The following SH3RF2 variants were observed in gnomAD, a reference collection of about 807,000 sequenced individuals.
SH3RF2 encodes the protein SH3 domain containing ring finger 2.
In SH3RF2, 43 loss-of-function variants were observed where a neutral mutation model predicts 59.0. That is an observed-to-expected ratio of 0.73 (90% confidence interval 0.57 to 0.94). The LOEUF is 0.94. SH3RF2 is among the 40% of genes least tolerant of loss of function. The probability of loss-of-function intolerance (pLI) is 0.00; values close to 1 mark genes in which losing one functional copy is unlikely to be tolerated. For missense variants in SH3RF2, 930 were observed against 940.1 expected, an observed-to-expected ratio of 0.99 and a Z score of 0.14; for synonymous variants, 391 against 391.5, an observed-to-expected ratio of 1.00 and a Z score of 0.01.
downstream of SH3RF2, among the ~76,000 whole-genome samples, chr5:146,065,988 A>G (rs1451055940): frequency 2.0e-5 from 3 of 152,242 alleles, no homozygotes; most frequent in African/African-American, 7.2e-5. Context: ...TGTGTGCTAG[A>G]CACAGCAAGG....
chr5:146,065,576 C>T (rs1763083179), downstream of SH3RF2, among the ~76,000 whole-genome samples: 1 of 152,148 alleles, frequency 6.6e-6, no homozygotes, highest in African/African-American at 2.4e-5. Context: ...ATTCTTCTCC[C>T]ACCATCTATT....
intron 4 of SH3RF2, among the ~76,000 whole-genome samples, chr5:146,010,923 C>T (rs553018915): frequency 1.9e-4 from 29 of 152,082 alleles, no homozygotes; most frequent in African/African-American, 6.5e-4. Context: ...GTTGCCATTG[C>T]TTTTGGTGTT....
chr5:145,984,692 C>A (rs1396583946), intron 2 of SH3RF2, among the ~76,000 whole-genome samples: 1 of 152,170 alleles, frequency 6.6e-6, no homozygotes, highest in Non-Finnish European at 1.5e-5. Context: ...TCTTTAGCAC[C>A]CCTCTGATGC....
chr5:146,004,209 C>T lies in SH3RF2; in HGVS notation c.744+56C>T, dbSNP rs370049673. The T allele has an allele frequency of 1.3e-4, 181 of 1,406,926 alleles. No individual in the cohort carries two copies. The African/African-American group carries it at 2.5e-3, about 19-fold the overall frequency. 87.2% of individuals were successfully genotyped at this position (1,406,926 alleles called of 1,614,324 possible). ...ACGCATACACAGAAATATTCATGTG[C>T]TACAGTGATGCCTGAGAGCAATTCC... On this transcript the variant is annotated intron_variant, in intron 4 of 9. Coordinates refer to ENST00000359120, the MANE Select transcript of SH3RF2 (RefSeq NM_152550.4).
intron 5 of SH3RF2, among the ~76,000 whole-genome samples, chr5:146,024,265 T>C (rs1169065279): frequency 6.6e-6 from 1 of 152,218 alleles, no homozygotes; most frequent in African/African-American, 2.4e-5. Context: ...TCTTTTTTAT[T>C]GCAGCCATCC....
intron 4 of SH3RF2, among the ~76,000 whole-genome samples, chr5:146,010,340 C>T (rs1422951283): frequency 2.6e-5 from 4 of 152,296 alleles, no homozygotes; most frequent in Non-Finnish European, 5.9e-5. Flanking sequence ...AATAAACATA[C>T]GTGTGCATGT....
intron 8 of SH3RF2, 45 bp downstream of exon 8, chr5:146,056,258 G>A (rs1762667547): frequency 6.2e-7 from 1 of 1,612,930 alleles, no homozygotes; most frequent in East Asian, 2.2e-5. Flanking sequence ...AAGTGATGGG[G>A]GGAATCTGAC....
At chr5:146,061,000 C>T (rs1247912049) in intron 9 of SH3RF2, among the ~76,000 whole-genome samples, 3 of 152,140 alleles carry the variant, frequency 2.0e-5, no homozygotes, top group Middle Eastern at 3.2e-3. Context: ...ATCACATCAT[C>T]GCCATCACCA....
intron 2 of SH3RF2, among the ~76,000 whole-genome samples, chr5:145,977,969 T>C (rs774841356): frequency 7.9e-5 from 12 of 152,164 alleles, no homozygotes; most frequent in South Asian, 2.1e-4. Context: ...AGATAGAAAG[T>C]TTAGATGGGA....
At chr5:145,979,582 C>A (rs1324205383) in intron 2 of SH3RF2, among the ~76,000 whole-genome samples, 1 of 152,142 alleles carries the variant, frequency 6.6e-6, no homozygotes, top group African/African-American at 2.4e-5. Context: ...GGCAGAAATA[C>A]CCCATCATGG....
At chr5:145,961,122 G>T (rs557363490) in intron 2 of SH3RF2, among the ~76,000 whole-genome samples, 9 of 147,324 alleles carry the variant, frequency 6.1e-5, no homozygotes, top group African/African-American at 2.3e-4. Context: ...AATTGATAAC[G>T]TTCTTGAAGA....
chr5:145,963,282 GGATGGATT>G lies in SH3RF2; in HGVS notation c.378+24977_378+24984del, dbSNP rs1266997421. On this transcript the variant is annotated intron_variant, in intron 2 of 9. Coordinates refer to ENST00000359120, the MANE Select transcript of SH3RF2 (RefSeq NM_152550.4). The stretch of plus-strand genomic sequence containing the variant: ...TGGATGGATGGATGGATGGATGGAT[GGATGGATT>G]AATAACTATACATTTATAGAGGTAG... 4.0e-3 allele frequency among the ~76,000 whole-genome samples: 607 copies of G among 150,348 alleles called. 6 individuals are homozygous for G. Among genetic ancestry groups the G allele is most frequent in the African/African-American group, 0.014 (580 of 40,092 alleles).
At chr5:146,030,341 A>G (rs1271906844) in intron 5 of SH3RF2, among the ~76,000 whole-genome samples, 8 of 152,212 alleles carry the variant, frequency 5.3e-5, no homozygotes, top group Non-Finnish European at 7.3e-5. Context: ...CCTGGAGCAT[A>G]TACTCAGGTG....
chr5:145,984,188 A>T (rs908029598), intron 2 of SH3RF2, among the ~76,000 whole-genome samples: 1 of 152,172 alleles, frequency 6.6e-6, no homozygotes, highest in Non-Finnish European at 1.5e-5. Flanking sequence ...TTTTTTGTTG[A>T]ATGAATGAGT....
intron 2 of SH3RF2, among the ~76,000 whole-genome samples, chr5:145,942,867 T>G (rs181428985): frequency 7.2e-5 from 11 of 152,348 alleles, no homozygotes; most frequent in Admixed American, 6.5e-4. Flanking sequence ...TATTGCTTAC[T>G]GTAGCATTTA....
At chr5:145,951,614 T>C (rs1211130632) in intron 2 of SH3RF2, among the ~76,000 whole-genome samples, 1 of 152,088 alleles carries the variant, frequency 6.6e-6, no homozygotes, top group Non-Finnish European at 1.5e-5. Flanking sequence ...ATTTCCAGTT[T>C]GGGGAAGTTT....
chr5:146,048,567 C>T (rs537391530), intron 6 of SH3RF2, among the ~76,000 whole-genome samples: 43 of 152,198 alleles, frequency 2.8e-4, no homozygotes, highest in African/African-American at 8.7e-4. Flanking sequence ...GAGAACACTC[C>T]CCCATTCCCT....
chr5:146,057,220 A>G (rs908204511), intron 8 of SH3RF2, among the ~76,000 whole-genome samples: 4 of 152,254 alleles, frequency 2.6e-5, no homozygotes, highest in African/African-American at 9.6e-5. Context: ...CCCCTTAAAA[A>G]GAAAGCACAT....
chr5:146,021,534 T>C (rs1761315710), intron 5 of SH3RF2, among the ~76,000 whole-genome samples: 1 of 152,200 alleles, frequency 6.6e-6, no homozygotes, highest in Non-Finnish European at 1.5e-5. Context: ...TCTGCCCCCA[T>C]AGTGCCTTTT....
Sources: gnomAD v4.1 joint callset for allele counts (sites outside exome capture counted in the v4.1 genomes callset) on GRCh38, gnomAD v4.1.1 for gene constraint, MANE v1.5 for transcripts, NCBI Gene and HGNC (gene_info 2026-07-23, HGNC 2026-07-21) for gene names.